Variants in KRTAP3-3 observed in about 807,000 individuals in gnomAD.
The protein encoded by KRTAP3-3 is keratin-associated protein 3-3.
In KRTAP3-3, 8 loss-of-function variants were observed where a neutral mutation model predicts 5.7. The ratio of observed to expected loss-of-function variants is 1.40; its 90% CI spans 0.82 to 2.52. The LOEUF is 2.52. Ranked by LOEUF, KRTAP3-3 falls within the 30% of genes most tolerant of loss-of-function variation. The pLI is 0.00. For synonymous variants in KRTAP3-3, 49 were observed against 47.0 expected (o/e 1.04, Z -0.17); for missense variants, 98 against 121.5 (o/e 0.81, Z 0.91).
In KRTAP3-3 at chr17:40,994,062, G is replaced by A. The variant is rs777642549; in HGVS notation, c.36C>T (p.Pro12=). 3 of 1,614,124 alleles carry A rather than the reference G, an allele frequency of 1.9e-6. No homozygotes were observed. The highest frequency in any genetic ancestry group is 2.5e-6 in the Non-Finnish European group (3 of 1,179,992). The part of the protein sequence containing the change: ...DCCASRGCSV[P]TGPATTICSS... The stretch of plus-strand genomic sequence containing the variant: ...AGCAGATGGTGGTGGCAGGCCCGGT[G>A]GGGACACTGCAGCCTCGAGAGGCAC... The change falls in exon 1 of 1, where the codon CCC becomes CCT. Residue 12 remains proline (P), a synonymous_variant. Transcript: ENST00000391586.
Position 40,993,801 on chromosome 17 carries a change from T to C in KRTAP3-3, c.297A>G (p.Ter99=). The C allele has an allele frequency of 6.2e-7, 1 of 1,613,744 alleles. No homozygotes were observed. The highest frequency in any genetic ancestry group is 2.2e-5 in the East Asian group (1 of 44,874). The part of the protein sequence containing the change: ...CCEPCLPRGC[*] Reference sequence around the variant, plus strand: ...AGGCACTGAGCAAAGTAGCCATCCATTAGCAGCCTCTTGGGAGGCAGGGCT... The same window carrying C: ...AGGCACTGAGCAAAGTAGCCATCCACTAGCAGCCTCTTGGGAGGCAGGGCT... Residue 99 remains the stop codon, a stop_retained_variant, in exon 1 of 1, where the codon TAA becomes TAG. Transcript: ENST00000391586.
chr17:40,994,084 G>A lies in KRTAP3-3; in HGVS notation c.14C>T (p.Ala5Val), dbSNP rs768805721. The A allele has an allele frequency of 1.2e-5, 19 of 1,614,152 alleles. No homozygotes were observed. The highest frequency in any genetic ancestry group is 1.5e-5 in the Non-Finnish European group (18 of 1,180,014). ...GGTGGGGACACTGCAGCCTCGAGAG[G>A]CACAGCAATCCATGGCTATTAGAGT... MDCC[A>V]SRGCSVPTGP... is the part of the protein sequence containing the mutation. Residue 5 changes from alanine (A) to valine (V), a missense_variant, in exon 1 of 1, where the codon GCC becomes GTC. Coordinates refer to ENST00000391586, the MANE Select transcript of KRTAP3-3 (RefSeq NM_033185.3).
rs1567868783 is a variant in KRTAP3-3 at position 40,993,988 on chromosome 17, G to A, written c.110C>T (p.Pro37Leu). The change falls in exon 1 of 1, where the codon CCA (proline) becomes CTA (leucine). Residue 37 changes from proline to leucine, a missense_variant. Coordinates refer to ENST00000391586, the MANE Select transcript of KRTAP3-3 (RefSeq NM_033185.3). The stretch of plus-strand genomic sequence containing the variant: ...GGGCTCCAGTAACCAAACTGTGTGT[G>A]GGCAGGTGCTGGGCAGGCAGACTCC... ...RCGVCLPSTC[P>L]HTVWLLEPTC... 1.2e-6 allele frequency: 2 copies of A among 1,614,098 alleles called. No homozygotes were observed. Among genetic ancestry groups the A allele is most frequent in the African/African-American group, 2.7e-5 (2 of 74,938 alleles).
chr17:40,993,727 T>C lies in KRTAP3-3; in HGVS notation c.*74A>G. 4 of 1,564,064 alleles carry C rather than the reference T, an allele frequency of 2.6e-6. No homozygotes were observed. In the South Asian group the frequency reaches 4.8e-5, roughly 19 times the overall value. ...TAAAGCAGAGTACATTAGTTGTAGG[T>C]ACTGAGATAGGTGAATGCTAAAGCT... is the stretch of plus-strand genomic sequence containing the variant. On this transcript the variant is annotated 3_prime_UTR_variant, in exon 1 of 1. Coordinates refer to ENST00000391586, the MANE Select transcript of KRTAP3-3 (RefSeq NM_033185.3).
chr17:40,993,726 G>GTACTGAGA lies in KRTAP3-3; in HGVS notation c.*67_*74dup. 6.4e-7 allele frequency: 1 copy of GTACTGAGA among 1,562,200 alleles called. No homozygotes were observed. Among genetic ancestry groups the GTACTGAGA allele is most frequent in the Non-Finnish European group, 8.7e-7 (1 of 1,149,240 alleles). On this transcript the variant is annotated 3_prime_UTR_variant, in exon 1 of 1. Transcript: ENST00000391586. ...CTAAAGCAGAGTACATTAGTTGTAG[G>GTACTGAGA]TACTGAGATAGGTGAATGCTAAAGC...
rs142940335 is a variant in KRTAP3-3 at position 40,993,518 on chromosome 17, A to G, written c.*283T>C. 4,005 of 457,282 alleles carry G rather than the reference A, an allele frequency of 8.8e-3. 22 individuals carry two copies. The highest frequency in any genetic ancestry group is 0.012 in the Non-Finnish European group (3,042 of 261,258). The allele number at this position is 457,282 out of a possible 1,614,324, so 28.3% of individuals were successfully genotyped here. A position where few individuals can be genotyped will look rare whatever the true frequency, so the allele number is the denominator to read the frequency against. ...AAAGATACCACCCAAGACTGAAAAC[A>G]GAATTCCCAAACCACCCACAGAAAG... On this transcript the variant is annotated 3_prime_UTR_variant, in exon 1 of 1. Coordinates refer to ENST00000391586, the MANE Select transcript of KRTAP3-3 (RefSeq NM_033185.3).
Position 40,994,149 on chromosome 17 carries a change from C to T in KRTAP3-3, c.-52G>A. ...GGTTTGATTGAAAAGAAGGATAAGG[C>T]TTCTGAGGTGTGAATATCTCTCCTT... On this transcript the variant is annotated 5_prime_UTR_variant, in exon 1 of 1. Coordinates refer to ENST00000391586, the MANE Select transcript of KRTAP3-3 (RefSeq NM_033185.3). The T allele has an allele frequency of 6.3e-7, 1 of 1,593,534 alleles. No homozygotes were observed. Among genetic ancestry groups the T allele is most frequent in the South Asian group, 1.1e-5 (1 of 88,844 alleles).
chr17:40,994,124 G>A lies in KRTAP3-3; in HGVS notation c.-27C>T, dbSNP rs1173935219. ...GCTATTAGAGTCTGTGGTATTTATG[G>A]GTTTGATTGAAAAGAAGGATAAGGC... On this transcript the variant is annotated 5_prime_UTR_variant, in exon 1 of 1. Transcript: ENST00000391586. 3 of 1,611,438 alleles carry A rather than the reference G, an allele frequency of 1.9e-6. No individual in the cohort carries two copies. Among genetic ancestry groups the A allele is most frequent in the East Asian group, 4.5e-5 (2 of 44,838 alleles).
At position 40,993,440 on chromosome 17, in the gene KRTAP3-3, C is replaced by T; in HGVS notation, c.*361G>A. 1 of 254,816 alleles carries T rather than the reference C, an allele frequency of 3.9e-6. No individual in the cohort carries two copies. The highest frequency in any genetic ancestry group is 7.5e-6 in the Non-Finnish European group (1 of 133,382). The allele number at this position is 254,816 out of a possible 1,614,324, so 15.8% of individuals were successfully genotyped here. Reference sequence around the variant, plus strand: ...AGTAATTGTAGACACTTGTGCTATGCCAGAGATGTAAAATTTATTAGGATA... The same window carrying T: ...AGTAATTGTAGACACTTGTGCTATGTCAGAGATGTAAAATTTATTAGGATA... On this transcript the variant is annotated 3_prime_UTR_variant, in exon 1 of 1. Coordinates refer to ENST00000391586, the MANE Select transcript of KRTAP3-3 (RefSeq NM_033185.3).
In KRTAP3-3 at chr17:40,993,499, A is replaced by G. The variant is rs1597928537; in HGVS notation, c.*302T>C. On this transcript the variant is annotated 3_prime_UTR_variant, in exon 1 of 1. Coordinates refer to ENST00000391586, the MANE Select transcript of KRTAP3-3 (RefSeq NM_033185.3). ...GAACTTCCTTAATTTTCAGAAAGAT[A>G]CCACCCAAGACTGAAAACAGAATTC... 7.5e-6 allele frequency: 3 copies of G among 397,874 alleles called. No individual in the cohort carries two copies. Among genetic ancestry groups the G allele is most frequent in the East Asian group, 3.9e-5 (1 of 25,596 alleles). 24.6% of individuals were successfully genotyped at this position (397,874 alleles called of 1,614,324 possible).
chr17:40,993,983 T>A lies in KRTAP3-3; in HGVS notation c.115A>T (p.Thr39Ser). The A allele has an allele frequency of 1.2e-6, 2 of 1,613,914 alleles. No homozygotes were observed. The highest frequency in any genetic ancestry group is 1.7e-6 in the Non-Finnish European group (2 of 1,179,974). The change falls in exon 1 of 1, where the codon ACA (threonine) becomes TCA (serine). Residue 39 changes from threonine (T) to serine (S), a missense_variant. Coordinates refer to ENST00000391586, the MANE Select transcript of KRTAP3-3 (RefSeq NM_033185.3). ...GVCLPSTCPH[T>S]VWLLEPTCCD... ...CAGGTGGGCTCCAGTAACCAAACTG[T>A]GTGTGGGCAGGTGCTGGGCAGGCAG...
chr17:40,993,843 G>A lies in KRTAP3-3; in HGVS notation c.255C>T (p.Phe85=), dbSNP rs759647664. 6.2e-7 allele frequency: 1 copy of A among 1,614,242 alleles called. No homozygotes were observed. Among genetic ancestry groups the A allele is most frequent in the South Asian group, 1.1e-5 (1 of 91,088 alleles). ...PGLETLNLTT[F]TQPCCEPCLP... is the part of the protein sequence containing the mutation. ...GGCAGGGCTCACAGCAGGGCTGAGT[G>A]AAGGTGGTGAGGTTGAGGGTCTCCA... Residue 85 remains phenylalanine, a synonymous_variant, in exon 1 of 1, where the codon TTC becomes TTT. Coordinates refer to ENST00000391586, the MANE Select transcript of KRTAP3-3 (RefSeq NM_033185.3).
rs955962499 is a variant in KRTAP3-3 at position 40,993,683 on chromosome 17, C to T, written c.*118G>A. The T allele has an allele frequency of 3.5e-6, 5 of 1,430,602 alleles. No individual in the cohort carries two copies. Among genetic ancestry groups the T allele is most frequent in the Middle Eastern group, 4.1e-4 (2 of 4,866 alleles). The allele number at this position is 1,430,602 out of a possible 1,614,324, so 88.6% of individuals were successfully genotyped here. On this transcript the variant is annotated 3_prime_UTR_variant, in exon 1 of 1. Coordinates refer to ENST00000391586, the MANE Select transcript of KRTAP3-3 (RefSeq NM_033185.3). The stretch of plus-strand genomic sequence containing the variant: ...TTTGCAGGGGGTGATTGTGGTAGTA[C>T]CATCCTTGTTCCAATTTCTAAAGCA...
Position 40,993,910 on chromosome 17 carries a change from G to C in KRTAP3-3, c.188C>G (p.Pro63Arg). 6.2e-7 allele frequency: 1 copy of C among 1,614,024 alleles called. No homozygotes were observed. Among genetic ancestry groups the C allele is most frequent in the Non-Finnish European group, 8.5e-7 (1 of 1,179,910 alleles). Residue 63 changes from proline to arginine, a missense_variant, in exon 1 of 1, where the codon CCC becomes CGC. Transcript: ENST00000391586. Reference protein sequence around the residue: ...PPCHIPQPCVPTCFLLNSCQP... With the variant: ...PPCHIPQPCVRTCFLLNSCQP... ...GCAGGAGTTGAGCAGGAAGCAGGTG[G>C]GCACGCAGGGCTGAGGAATGTGGCA...
Position 40,994,055 on chromosome 17 carries a change from G to A in KRTAP3-3, c.43C>T (p.Pro15Ser), listed in dbSNP as rs1195413269. Residue 15 changes from proline to serine, a missense_variant, in exon 1 of 1, where the codon CCT becomes TCT. Pro to Ser is a moderately conservative substitution (Grantham distance 74). Transcript: ENST00000391586. The stretch of plus-strand genomic sequence containing the variant: ...TCAGAGGAGCAGATGGTGGTGGCAG[G>A]CCCGGTGGGGACACTGCAGCCTCGA... ...ASRGCSVPTGPATTICSSDKS... is the reference protein window; with the variant it reads ...ASRGCSVPTGSATTICSSDKS... The A allele has an allele frequency of 6.2e-7, 1 of 1,614,224 alleles. No homozygotes were observed. Among genetic ancestry groups the A allele is most frequent in the East Asian group, 2.2e-5 (1 of 44,882 alleles).
In KRTAP3-3 at chr17:40,993,937, G is replaced by T. The variant is rs1254003620; in HGVS notation, c.161C>A (p.Pro54His). ...EPTCCDNCPP[P>H]CHIPQPCVPT... Reference sequence around the variant, plus strand: ...CACGCAGGGCTGAGGAATGTGGCAGGGTGGGGGACAGTTGTCACAGCAGGT... The same window carrying T: ...CACGCAGGGCTGAGGAATGTGGCAGTGTGGGGGACAGTTGTCACAGCAGGT... The change falls in exon 1 of 1, where the codon CCC becomes CAC. Residue 54 changes from proline (P) to histidine (H), a missense_variant. Transcript: ENST00000391586. 14 of 1,614,094 alleles carry T rather than the reference G, an allele frequency of 8.7e-6. No homozygotes were observed. The highest frequency in any genetic ancestry group is 2.2e-5 in the East Asian group (1 of 44,856).
rs760990601 is a variant in KRTAP3-3 at position 40,993,756 on chromosome 17, A to G, written c.*45T>C. The G allele has an allele frequency of 9.4e-6, 15 of 1,600,050 alleles. No homozygotes were observed. Among genetic ancestry groups the G allele is most frequent in the Admixed American group, 6.7e-5 (4 of 59,304 alleles). Reference sequence around the variant, plus strand: ...GAGATAGGTGAATGCTAAAGCTTCTATGTTGACTTTTTCAATCTCAGGCAC... The same window carrying G: ...GAGATAGGTGAATGCTAAAGCTTCTGTGTTGACTTTTTCAATCTCAGGCAC... On this transcript the variant is annotated 3_prime_UTR_variant, in exon 1 of 1. Coordinates refer to ENST00000391586, the MANE Select transcript of KRTAP3-3 (RefSeq NM_033185.3).
rs752181792 is a variant in KRTAP3-3, at chr17:40,994,163, A to T, written c.-66T>A. ...GAAGGATAAGGCTTCTGAGGTGTGA[A>T]TATCTCTCCTTTCTCTGGGGCTCTT... is the stretch of plus-strand genomic sequence containing the variant. On this transcript the variant is annotated 5_prime_UTR_variant, in exon 1 of 1. Transcript: ENST00000391586. 7.0e-6 allele frequency: 11 copies of T among 1,566,164 alleles called. No individual in the cohort carries two copies. Among genetic ancestry groups the T allele is most frequent in the Non-Finnish European group, 9.6e-6 (11 of 1,145,388 alleles).
Position 40,994,018 on chromosome 17 carries a change from C to A in KRTAP3-3, c.80G>T (p.Arg27Leu), listed in dbSNP as rs762319985. The change falls in exon 1 of 1, where the codon CGC becomes CTC. Residue 27 changes from arginine to leucine, a missense_variant. Transcript: ENST00000391586. ...TTICSSDKSC[R>L]CGVCLPSTCP... ...GGTGCTGGGCAGGCAGACTCCACAG[C>A]GGCAGGATTTGTCAGAGGAGCAGAT... is the stretch of plus-strand genomic sequence containing the variant. The A allele has an allele frequency of 8.1e-6, 13 of 1,614,012 alleles. No individual in the cohort carries two copies. Among genetic ancestry groups the A allele is most frequent in the African/African-American group, 2.7e-5 (2 of 74,904 alleles).
Sources: allele counts gnomAD v4.1 joint callset, GRCh38; gene constraint gnomAD v4.1.1; transcripts MANE v1.5; gene names NCBI Gene and HGNC (gene_info 2026-07-23, HGNC 2026-07-21).